Variants in TMEM108 observed in about 807,000 individuals in gnomAD.
TMEM108 encodes cancer/testis antigen 124.
A neutral mutation model predicts 35.1 loss-of-function variants in TMEM108; 12 were observed. The observed-to-expected ratio is 0.34, with a 90% CI of 0.22 to 0.55. TMEM108 has a LOEUF of 0.55. Among genes scored for constraint, TMEM108 ranks in the 20% least tolerant of loss-of-function variants. The probability of loss-of-function intolerance (pLI) is 0.89; values close to 1 mark genes in which losing one functional copy is unlikely to be tolerated. For synonymous variants in TMEM108, 287 were observed against 308.6 expected (o/e 0.93, Z 0.73); for missense variants, 680 against 753.3 (o/e 0.90, Z 1.14).
chr3:133,163,372 G>A (rs754009176), intron 2 of TMEM108, among the ~76,000 whole-genome samples: 4 of 152,190 alleles, frequency 2.6e-5, no homozygotes, highest in Admixed American at 1.3e-4. Flanking sequence ...GGAACTACAC[G>A]TTTCCCTGGG....
At chr3:133,319,531 T>C (rs971107589) in intron 3 of TMEM108, among the ~76,000 whole-genome samples, 3 of 152,336 alleles carry the variant, frequency 2.0e-5, no homozygotes. Context: ...GTCCTGAGTC[T>C]GTCCACATGA....
chr3:133,378,646 T>C, intron 3 of TMEM108: 2 of 573,306 alleles, frequency 3.5e-6, no homozygotes, highest in Non-Finnish European at 2.2e-6. Flanking sequence ...GGCTCCTACA[T>C]GTCATGCTTG....
intron 2 of TMEM108, among the ~76,000 whole-genome samples, chr3:133,049,641 C>T (rs1209581293): frequency 6.6e-6 from 1 of 152,178 alleles, no homozygotes; most frequent in Non-Finnish European, 1.5e-5. Flanking sequence ...GCCATGGGTA[C>T]ATCTCTGACA....
Position 133,320,328 on chromosome 3 carries a change from GA to G in TMEM108, c.41-59414del, listed in dbSNP as rs151203872. Reference sequence around the variant, plus strand: ...GCTCCAAAGAAATAGCTATCATAAAGAAAAAAAAAACAATCACAACTTCTGG... The same window carrying G: ...GCTCCAAAGAAATAGCTATCATAAAGAAAAAAAAACAATCACAACTTCTGG... On this transcript the variant is annotated intron_variant, in intron 3 of 5. Transcript: ENST00000321871. Among the ~76,000 whole-genome samples the G allele has an allele frequency of 1.7e-3, 240 of 144,210 alleles. 2 individuals are homozygous for G. Among genetic ancestry groups the G allele is most frequent in the Admixed American group, 3.3e-3 (48 of 14,554 alleles). 94.6% of individuals were successfully genotyped at this position (144,210 alleles called of 152,430 possible).
At chr3:133,168,406 CA>C (rs1411122338) in intron 2 of TMEM108, among the ~76,000 whole-genome samples, 1 of 152,016 alleles carries the variant, frequency 6.6e-6, no homozygotes, top group Non-Finnish European at 1.5e-5. Flanking sequence ...GGCAAGAGAT[CA>C]GGGGAGAGAG....
chr3:133,186,438 C>T (rs944478342), intron 2 of TMEM108, among the ~76,000 whole-genome samples: 2 of 152,184 alleles, frequency 1.3e-5, no homozygotes, highest in Non-Finnish European at 2.9e-5. Flanking sequence ...AACGTGCCTA[C>T]AAAGCTGCGT....
At chr3:133,075,898 C>T (rs909260510) in intron 2 of TMEM108, among the ~76,000 whole-genome samples, 7 of 152,062 alleles carry the variant, frequency 4.6e-5, no homozygotes, top group African/African-American at 1.7e-4. Context: ...AGGCCACAAG[C>T]AAGTGATGTT....
chr3:133,248,026 T>A (rs956001730), intron 3 of TMEM108: 2 of 152,162 alleles, frequency 1.3e-5, no homozygotes, highest in African/African-American at 4.8e-5. Flanking sequence ...TGTTATAGGA[T>A]ACAGTAGGAA....
At chr3:133,119,046 G>T (rs1944319975) in intron 2 of TMEM108, 1 of 152,048 alleles carries the variant, frequency 6.6e-6, no homozygotes, top group Non-Finnish European at 1.5e-5. Flanking sequence ...AGCCTCCGAA[G>T]TACTTTGGAA....
intron 3 of TMEM108, among the ~76,000 whole-genome samples, chr3:133,297,060 C>T (rs10512895): frequency 0.32 from 48,423 of 152,050 alleles, 8,508 homozygotes; most frequent in East Asian, 0.48. Context: ...GAAGGAGGTC[C>T]GAACAATATC....
intron 2 of TMEM108, among the ~76,000 whole-genome samples, chr3:133,193,895 T>A (rs960780586): frequency 6.6e-6 from 1 of 151,982 alleles, no homozygotes; most frequent in Admixed American, 6.6e-5. Flanking sequence ...AATTGTAAGG[T>A]TTAATGAAAT....
At chr3:133,250,090 G>A (rs1282708343) in intron 3 of TMEM108, among the ~76,000 whole-genome samples, 1 of 152,154 alleles carries the variant, frequency 6.6e-6, no homozygotes, top group East Asian at 1.9e-4. Flanking sequence ...TGAGGTGTCA[G>A]TAGAGTAACA....
At chr3:133,335,070 T>C (rs1028912184) in intron 3 of TMEM108, among the ~76,000 whole-genome samples, 1 of 152,152 alleles carries the variant, frequency 6.6e-6, no homozygotes, top group Non-Finnish European at 1.5e-5. Context: ...GCAGTACATA[T>C]ACTTTAAAGA....
At chr3:133,335,914 A>G (rs148547862) in intron 3 of TMEM108, among the ~76,000 whole-genome samples, 120 of 152,272 alleles carry the variant, frequency 7.9e-4, no homozygotes, top group Admixed American at 1.9e-3. Flanking sequence ...GAGTGCAACA[A>G]TTGTGGGACA....
chr3:133,287,985 A>G (rs1001742352), intron 3 of TMEM108, among the ~76,000 whole-genome samples: 2 of 152,236 alleles, frequency 1.3e-5, no homozygotes, highest in Non-Finnish European at 1.5e-5. Flanking sequence ...TGGGTTCAGC[A>G]TGATGGACCT....
chr3:133,236,720 C>T (rs986011916), intron 3 of TMEM108, among the ~76,000 whole-genome samples: 1 of 152,126 alleles, frequency 6.6e-6, no homozygotes, highest in African/African-American at 2.4e-5. Flanking sequence ...ACTATTCTTT[C>T]TTCCAGTTAC....
At chr3:133,089,097 A>G (rs918991839) in intron 2 of TMEM108, among the ~76,000 whole-genome samples, 59 of 151,584 alleles carry the variant, frequency 3.9e-4, no homozygotes, top group African/African-American at 1.4e-3. Context: ...ACCAGATCTC[A>G]CAAAAACTCA....
intron 3 of TMEM108, among the ~76,000 whole-genome samples, chr3:133,330,743 C>G (rs770001474): frequency 3.3e-5 from 5 of 151,990 alleles, no homozygotes; most frequent in Non-Finnish European, 7.4e-5. Flanking sequence ...TTGATGCTGA[C>G]CAAATTGCAT....
At chr3:133,150,659 C>A (rs1420436401) in intron 2 of TMEM108, among the ~76,000 whole-genome samples, 1 of 151,900 alleles carries the variant, frequency 6.6e-6, no homozygotes, top group Non-Finnish European at 1.5e-5. Flanking sequence ...GCCCCCAGAC[C>A]AAGAACATGA....
Sources: allele counts gnomAD v4.1 joint callset (sites outside exome capture counted in the v4.1 genomes callset), GRCh38; gene constraint gnomAD v4.1.1; transcripts MANE v1.5; gene names NCBI Gene and HGNC (gene_info 2026-07-23, HGNC 2026-07-21).